Variants in LRRC2 observed in about 807,000 individuals in gnomAD.
LRRC2 encodes leucine rich repeat containing 2, also known as leucine-rich repeat-containing protein 2.
A neutral mutation model predicts 40.2 loss-of-function variants in LRRC2; 27 were observed. The ratio of observed to expected loss-of-function variants is 0.67; its 90% CI spans 0.49 to 0.93. The LOEUF (loss-of-function observed/expected upper bound fraction) is 0.93, where lower values mean the gene tolerates loss of function less well. LRRC2 is among the 40% of genes least tolerant of loss of function. LRRC2 has a pLI of 0.00. For synonymous variants in LRRC2, 147 were observed against 158.9 expected, an observed-to-expected ratio of 0.92 and a Z score of 0.56; for missense variants, 402 against 439.6, an observed-to-expected ratio of 0.91 and a Z score of 0.76.
Position 46,537,033 on chromosome 3 carries a change from C to T in LRRC2, c.490+2012G>A, listed in dbSNP as rs1017761447. ...GCTGCCAACCACTGGATTCCCAAGC[C>T]AAGGTGGCAGGATGGCAAGGATCCC... is the stretch of plus-strand genomic sequence containing the variant. On this transcript the variant is annotated intron_variant, in intron 4 of 8. Transcript: ENST00000395905. Among the ~76,000 whole-genome samples, 3 of 152,320 alleles carry T rather than the reference C, an allele frequency of 2.0e-5. No homozygotes were observed. The East Asian group carries it at 5.8e-4, about 29-fold the overall frequency.
chr3:46,560,642 C>T lies in LRRC2; in HGVS notation c.-20+5535G>A, dbSNP rs562870477. On this transcript the variant is annotated intron_variant, in intron 1 of 8. Coordinates refer to ENST00000395905, the MANE Select transcript of LRRC2 (RefSeq NM_024512.5). ...CCTGGACCCTCGTTGAATTTGACAG[C>T]AAAGTGTCATGGTTCCAAGACAGCA... Among the ~76,000 whole-genome samples the T allele has an allele frequency of 5.9e-5, 9 of 152,322 alleles. No homozygotes were observed. The East Asian group carries it at 1.7e-3, about 29-fold the overall frequency.
chr3:46,520,111 AT>A (rs1703939014), intron 8 of LRRC2, among the ~76,000 whole-genome samples: 1 of 149,430 alleles, frequency 6.7e-6, no homozygotes, highest in Non-Finnish European at 1.5e-5. Flanking sequence ...AAATTAATTT[AT>A]TTAAGTAAAT....
rs1332300964 is a variant in LRRC2 at position 46,551,545 on chromosome 3, A to G, written c.47T>C (p.Leu16Ser). 1 of 1,613,988 alleles carries G rather than the reference A, an allele frequency of 6.2e-7. No homozygotes were observed. Among genetic ancestry groups the G allele is most frequent in the African/African-American group, 1.3e-5 (1 of 74,936 alleles). Residue 16 changes from leucine (L) to serine (S), a missense_variant, in exon 2 of 9, where the codon TTG (leucine) becomes TCG (serine). Physicochemically the swap from Leu to Ser is moderately radical, Grantham distance 145. Transcript: ENST00000395905. The stretch of plus-strand genomic sequence containing the variant: ...GTGCTTCTTGACACGAGTTTCCCAC[A>G]AGGCTCTGATGACAGAAATGTCGAA... ...VVFDISVIRA[L>S]WETRVKKHKA...
At chr3:46,562,148 G>A (rs758153441) in intron 1 of LRRC2, among the ~76,000 whole-genome samples, 5 of 152,202 alleles carry the variant, frequency 3.3e-5, no homozygotes, top group Non-Finnish European at 5.9e-5. Flanking sequence ...TGTGGCTTCT[G>A]AGACTAGGTC....
At chr3:46,554,956 C>T (rs1305482284) in intron 1 of LRRC2, among the ~76,000 whole-genome samples, 1 of 152,084 alleles carries the variant, frequency 6.6e-6, no homozygotes, top group Non-Finnish European at 1.5e-5. Context: ...GAAGAGGTAT[C>T]TTGTTGTTTT....
rs1029258044 is a variant in LRRC2 at position 46,528,331 on chromosome 3, A to C, written c.774-750T>G. Among the ~76,000 whole-genome samples the C allele has an allele frequency of 2.4e-4, 36 of 150,690 alleles. 1 individual carries two copies. The highest frequency in any genetic ancestry group is 1.0e-4 in the Non-Finnish European group (7 of 67,874). On this transcript the variant is annotated intron_variant, in intron 6 of 8. Transcript: ENST00000395905. ...TTAATGAGAAAGACGGGGTCTCACT[A>C]TGTGGCCTAGCCTTGTCTTGAACTC... is the stretch of plus-strand genomic sequence containing the variant.
chr3:46,561,250 G>T (rs1253383949), intron 1 of LRRC2, among the ~76,000 whole-genome samples: 8 of 152,076 alleles, frequency 5.3e-5, no homozygotes, highest in East Asian at 1.9e-4. Flanking sequence ...TGAAAAAGGG[G>T]CAGGGTGGCT....
intron 7 of LRRC2, among the ~76,000 whole-genome samples, chr3:46,522,925 T>C (rs982262619): frequency 1.3e-5 from 2 of 152,156 alleles, no homozygotes; most frequent in African/African-American, 4.8e-5. Flanking sequence ...ATCTCTTAAA[T>C]AGTTTTTGGT....
chr3:46,555,053 T>C (rs992114136), intron 1 of LRRC2, among the ~76,000 whole-genome samples: 6 of 152,264 alleles, frequency 3.9e-5, no homozygotes, highest in African/African-American at 1.4e-4. Context: ...GAGAAATGTC[T>C]ATTCAGATCC....
intron 2 of LRRC2, 102 bp downstream of exon 2, chr3:46,551,365 G>T: frequency 7.0e-7 from 1 of 1,426,980 alleles, no homozygotes; most frequent in Non-Finnish European, 9.5e-7. Flanking sequence ...CCAACAGTGA[G>T]AAATCCCAGA....
At chr3:46,550,624 C>G (rs1373307489) in intron 2 of LRRC2, among the ~76,000 whole-genome samples, 3 of 152,178 alleles carry the variant, frequency 2.0e-5, no homozygotes, top group African/African-American at 7.2e-5. Flanking sequence ...ATCTCCTGAC[C>G]TTGTGATCCG....
chr3:46,556,671 C>G (rs1194790287), intron 1 of LRRC2, among the ~76,000 whole-genome samples: 1 of 151,222 alleles, frequency 6.6e-6, no homozygotes, highest in Non-Finnish European at 1.5e-5. Flanking sequence ...CTCAGCCTCC[C>G]GGGTTCAAGC....
At chr3:46,534,502 C>T (rs1559412391) in intron 4 of LRRC2, among the ~76,000 whole-genome samples, 2 of 149,622 alleles carry the variant, frequency 1.3e-5, no homozygotes, top group East Asian at 3.9e-4. Context: ...CAGCCGCACC[C>T]TTCTAGGAAC....
chr3:46,558,378 T>C (rs993248541), intron 1 of LRRC2: 2 of 152,272 alleles, frequency 1.3e-5, no homozygotes, highest in African/African-American at 4.8e-5. Flanking sequence ...TTGGTTGAGT[T>C]CTGACCTCAA....
intron 6 of LRRC2, among the ~76,000 whole-genome samples, chr3:46,528,477 C>A (rs1185516851): frequency 6.6e-6 from 1 of 152,090 alleles, no homozygotes. Context: ...TCTCTCATTA[C>A]GTCTTCCAAC....
rs541383106 is a variant in LRRC2 at position 46,530,447 on chromosome 3, G to A, written c.628-397C>T. Among the ~76,000 whole-genome samples, 7 of 152,246 alleles carry A rather than the reference G, an allele frequency of 4.6e-5. No individual in the cohort carries two copies. In the East Asian group the frequency reaches 1.3e-3, roughly 29 times the overall value. On this transcript the variant is annotated intron_variant, in intron 5 of 8. Transcript: ENST00000395905. ...ATACAAAAATTAACCAGATGTGCTG[G>A]TGCACACCTGTAATCCCAACTACTT...
intron 5 of LRRC2, among the ~76,000 whole-genome samples, chr3:46,530,622 T>C (rs1315628101): frequency 6.6e-6 from 1 of 152,166 alleles, no homozygotes; most frequent in Non-Finnish European, 1.5e-5. Flanking sequence ...TCCACATTGC[T>C]GGGGAGGAAT....
Position 46,539,082 on chromosome 3 carries a change from C to T in LRRC2, c.453G>A (p.Leu151=). 1 of 1,613,590 alleles carries T rather than the reference C, an allele frequency of 6.2e-7. No individual in the cohort carries two copies. Among genetic ancestry groups the T allele is most frequent in the Admixed American group, 1.7e-5 (1 of 59,826 alleles). ...QLFQAMRILD[L]PKNQISHLPA... is the part of the protein sequence containing the mutation. ...GAAGATGTGAGATTTGGTTTTTTGGCAGATCCAGAATTCTCATCGCTTGAA... is the reference window on the plus strand; with the variant it reads ...GAAGATGTGAGATTTGGTTTTTTGGTAGATCCAGAATTCTCATCGCTTGAA... The change falls in exon 4 of 9, where the codon CTG becomes CTA. Residue 151 remains leucine (L), a synonymous_variant. Coordinates refer to ENST00000395905, the MANE Select transcript of LRRC2 (RefSeq NM_024512.5).
At chr3:46,556,302 AT>A (rs1704792406) in intron 1 of LRRC2, among the ~76,000 whole-genome samples, 1 of 151,822 alleles carries the variant, frequency 6.6e-6, no homozygotes, top group East Asian at 1.9e-4. Flanking sequence ...TTAAAAAAAT[AT>A]TTTTGCAGCG....
Sources: allele counts gnomAD v4.1 joint callset (sites outside exome capture counted in the v4.1 genomes callset), GRCh38; gene constraint gnomAD v4.1.1; transcripts MANE v1.5; gene names NCBI Gene and HGNC (gene_info 2026-07-23, HGNC 2026-07-21).